CDH13: variants seen among roughly 807,000 people sequenced by gnomAD.
CDH13 encodes the protein cadherin 13.
CDH13 carries 24 observed loss-of-function variants against 63.8 expected under a neutral mutation model. That is an observed-to-expected ratio of 0.38 (90% CI 0.27 to 0.53). The LOEUF is 0.53. Among genes scored for constraint, CDH13 ranks in the 20% least tolerant of loss-of-function variants. CDH13 has a pLI of 0.85. For missense variants in CDH13, 1,049 were observed against 903.1 expected (o/e 1.16, Z -2.07); for synonymous variants, 503 against 355.3 (o/e 1.42, Z -4.67).
intron 5 of CDH13, among the ~76,000 whole-genome samples, chr16:83,254,111 C>T (rs559772731): frequency 2.6e-5 from 4 of 152,238 alleles, no homozygotes; most frequent in South Asian, 4.1e-4. Context: ...GATAACACTC[C>T]GAAGTGTGGT....
intron 1 of CDH13, among the ~76,000 whole-genome samples, chr16:82,754,939 C>T (rs759989469): frequency 3.9e-5 from 6 of 152,168 alleles, no homozygotes; most frequent in Non-Finnish European, 8.8e-5. Context: ...TTTGTGAGAG[C>T]AATCATGTTT....
intron 8 of CDH13, among the ~76,000 whole-genome samples, chr16:83,664,667 T>A (rs1227457053): frequency 6.6e-6 from 1 of 152,128 alleles, no homozygotes; most frequent in East Asian, 1.9e-4. Flanking sequence ...GTGTATGGTG[T>A]GAGGTAGGGG....
intron 2 of CDH13, among the ~76,000 whole-genome samples, chr16:82,917,018 G>A (rs764438225): frequency 6.6e-5 from 10 of 152,206 alleles, no homozygotes; most frequent in South Asian, 2.1e-4. Context: ...AAAAGTGATC[G>A]TTGACAAACA....
intron 2 of CDH13, among the ~76,000 whole-genome samples, chr16:83,030,123 G>A (rs542579194): frequency 2.0e-5 from 3 of 152,184 alleles, no homozygotes; most frequent in South Asian, 2.1e-4. Context: ...CATGCAGGGG[G>A]CCCATCTTCC....
intron 2 of CDH13, among the ~76,000 whole-genome samples, chr16:82,909,216 G>C (rs546291003): frequency 6.6e-6 from 1 of 151,390 alleles, no homozygotes; most frequent in South Asian, 2.1e-4. Context: ...CAAATTCACA[G>C]ATGTGGAACC....
chr16:82,753,379 T>C (rs7202671), intron 1 of CDH13, among the ~76,000 whole-genome samples: 1,542 of 152,294 alleles, frequency 0.01, 25 homozygotes, highest in African/African-American at 0.036. Context: ...CTCTGGCTCT[T>C]CCCCTTAACC....
chr16:83,243,493 A>G (rs572560269), intron 5 of CDH13, among the ~76,000 whole-genome samples: 1 of 152,186 alleles, frequency 6.6e-6, no homozygotes, highest in East Asian at 1.9e-4. Flanking sequence ...CTCTCCCACA[A>G]CACATGGTAA....
At chr16:82,923,480 T>G (rs1297244987) in intron 2 of CDH13, among the ~76,000 whole-genome samples, 4 of 152,178 alleles carry the variant, frequency 2.6e-5, no homozygotes, top group Non-Finnish European at 5.9e-5. Flanking sequence ...TCTCTAAAAG[T>G]TTTCAGGCAA....
At chr16:82,916,348 A>G (rs1374230645) in intron 2 of CDH13, among the ~76,000 whole-genome samples, 1 of 152,130 alleles carries the variant, frequency 6.6e-6, no homozygotes, top group Non-Finnish European at 1.5e-5. Context: ...GGCCGAAGCG[A>G]GTGGATGACG....
At chr16:83,216,397 A>AATATATATATATGT (rs1473011322) in intron 4 of CDH13, among the ~76,000 whole-genome samples, 338 of 16,100 alleles carry the variant, frequency 0.021, 36 homozygotes, top group Non-Finnish European at 0.042. Flanking sequence ...CCAGCATTGA[A>AATATATATATATGT]ATATATATAT....
intron 1 of CDH13, among the ~76,000 whole-genome samples, chr16:82,814,777 G>C (rs773853763): frequency 6.6e-6 from 1 of 152,206 alleles, no homozygotes; most frequent in Non-Finnish European, 1.5e-5. Flanking sequence ...TAGTGGGTCA[G>C]TCAGAAGCAC....
At chr16:83,388,126 G>T (rs866214877) in intron 6 of CDH13, among the ~76,000 whole-genome samples, 1 of 151,894 alleles carries the variant, frequency 6.6e-6, no homozygotes, top group Non-Finnish European at 1.5e-5. Flanking sequence ...TTTTATTGTT[G>T]TTTGGACTGT....
intron 5 of CDH13, among the ~76,000 whole-genome samples, chr16:83,308,236 C>T (rs1002798225): frequency 3.3e-5 from 5 of 152,210 alleles, no homozygotes; most frequent in African/African-American, 1.2e-4. Flanking sequence ...TAGCCTTCAT[C>T]TTTCCAAACA....
intron 2 of CDH13, among the ~76,000 whole-genome samples, chr16:82,931,839 G>A (rs1415413800): frequency 6.6e-6 from 1 of 152,100 alleles, no homozygotes; most frequent in East Asian, 1.9e-4. Context: ...TTCCCACATG[G>A]TCCCACCTAC....
intron 4 of CDH13, among the ~76,000 whole-genome samples, chr16:83,147,640 T>G (rs1040053561): frequency 2.0e-5 from 3 of 152,082 alleles, no homozygotes; most frequent in Non-Finnish European, 4.4e-5. Context: ...AGAGTCAGAG[T>G]GGGCTTTTCT....
At chr16:83,306,502 G>A (rs967648610) in intron 5 of CDH13, among the ~76,000 whole-genome samples, 1 of 152,268 alleles carries the variant, frequency 6.6e-6, no homozygotes, top group African/African-American at 2.4e-5. Flanking sequence ...CTTGGCATGT[G>A]CCCACTTCCC....
intron 13 of CDH13, among the ~76,000 whole-genome samples, chr16:83,784,735 G>A (rs535264298): frequency 6.6e-6 from 1 of 151,538 alleles, no homozygotes; most frequent in South Asian, 2.1e-4. Context: ...CTCCTGACCT[G>A]CCCCTCTGCC....
intron 5 of CDH13, among the ~76,000 whole-genome samples, chr16:83,232,549 C>A (rs200736517): frequency 0.18 from 18,342 of 103,396 alleles, 2,807 homozygotes; most frequent in African/African-American, 0.44. Context: ...CAACAACAAA[C>A]AAACAAAAAA....
chr16:82,850,275 T>C (rs2151150682), intron 1 of CDH13, among the ~76,000 whole-genome samples: 1 of 152,294 alleles, frequency 6.6e-6, no homozygotes, highest in South Asian at 2.1e-4. Flanking sequence ...AAGATGTTGA[T>C]TTCAATCCTC....
Sources: allele counts gnomAD v4.1 joint callset (sites outside exome capture counted in the v4.1 genomes callset), GRCh38; gene constraint gnomAD v4.1.1; transcripts MANE v1.5; gene names NCBI Gene and HGNC (gene_info 2026-07-23, HGNC 2026-07-21).